PTPRN2: variants seen among roughly 807,000 people sequenced by gnomAD.
The protein encoded by PTPRN2 is protein tyrosine phosphatase receptor type N2, also known as receptor-type tyrosine-protein phosphatase N2.
In PTPRN2, 74 loss-of-function variants were observed where a neutral mutation model predicts 118.8. The ratio of observed to expected loss-of-function variants is 0.62; its 90% CI spans 0.52 to 0.76. The LOEUF (loss-of-function observed/expected upper bound fraction) is 0.76. PTPRN2 is among the 30% of genes least tolerant of loss of function. The pLI is 0.00. For synonymous variants in PTPRN2, 641 were observed against 608.0 expected (o/e 1.05, Z -0.80); for missense variants, 1,481 against 1,394.4 (o/e 1.06, Z -0.99).
chr7:158,372,203 T>A (rs1275992837), intron 2 of PTPRN2, among the ~76,000 whole-genome samples: 3 of 143,632 alleles, frequency 2.1e-5, no homozygotes, highest in African/African-American at 8.0e-5. Flanking sequence ...CCAACGCTGG[T>A]CCCCGGAGCT....
intron 11 of PTPRN2, among the ~76,000 whole-genome samples, chr7:157,959,361 C>T (rs909576540): frequency 1.7e-4 from 26 of 152,176 alleles, no homozygotes; most frequent in Non-Finnish European, 1.9e-4. Flanking sequence ...ACAAATTGCA[C>T]TTTATTGCAC....
intron 14 of PTPRN2, among the ~76,000 whole-genome samples, chr7:157,638,123 G>A (rs1389173291): frequency 6.6e-6 from 1 of 152,216 alleles, no homozygotes; most frequent in Non-Finnish European, 1.5e-5. Flanking sequence ...CAACTGACAA[G>A]GTGATGGCAC....
At chr7:157,863,015 A>G (rs1381271746) in intron 12 of PTPRN2, 1 of 152,256 alleles carries the variant, frequency 6.6e-6, no homozygotes, top group African/African-American at 2.4e-5. Context: ...GTCAGGCGGC[A>G]CTTGGTGGGC....
intron 10 of PTPRN2, among the ~76,000 whole-genome samples, chr7:158,103,550 T>C (rs565963277): frequency 1.3e-5 from 2 of 152,336 alleles, no homozygotes; most frequent in African/African-American, 4.8e-5. Context: ...CCAGCCTCAC[T>C]TCCCTAGCAT....
intron 3 of PTPRN2, among the ~76,000 whole-genome samples, chr7:158,246,729 G>A (rs1796275545): frequency 6.6e-6 from 1 of 151,954 alleles, no homozygotes; most frequent in African/African-American, 2.4e-5. Flanking sequence ...GTGTGGGAGG[G>A]CTCTGATGAC....
intron 12 of PTPRN2, among the ~76,000 whole-genome samples, chr7:157,746,445 C>G (rs1800944517): frequency 6.7e-6 from 1 of 148,566 alleles, no homozygotes; most frequent in African/African-American, 2.5e-5. Flanking sequence ...TCACGGGACT[C>G]CCTACACCCT....
intron 12 of PTPRN2, among the ~76,000 whole-genome samples, chr7:157,795,590 C>T (rs1247737685): frequency 1.3e-5 from 2 of 152,248 alleles, no homozygotes; most frequent in African/African-American, 2.4e-5. Flanking sequence ...CCCAAACTAA[C>T]GTTGCTGAGG....
intron 6 of PTPRN2, among the ~76,000 whole-genome samples, chr7:158,139,938 T>C (rs1471989508): frequency 6.6e-6 from 1 of 152,126 alleles, no homozygotes; most frequent in African/African-American, 2.4e-5. Context: ...TCATATCACG[T>C]ATGTGAACAA....
In PTPRN2 at chr7:157,847,877, C is replaced by A. The variant is rs544629844; in HGVS notation, c.1788+50796G>T. Among the ~76,000 whole-genome samples, 9 of 151,630 alleles carry A rather than the reference C, an allele frequency of 5.9e-5. No individual in the cohort carries two copies. In the East Asian group the frequency reaches 1.4e-3, roughly 23 times the overall value. Reference sequence around the variant, plus strand: ...TCTACAGAGCCCTCTCTCATTACATCATGTGTGCCCGATGTTTACAGAGCC... The same window carrying A: ...TCTACAGAGCCCTCTCTCATTACATAATGTGTGCCCGATGTTTACAGAGCC... On this transcript the variant is annotated intron_variant, in intron 12 of 22. Transcript: ENST00000389418.
chr7:157,675,206 C>T (rs1318116734), intron 13 of PTPRN2, among the ~76,000 whole-genome samples: 1 of 152,198 alleles, frequency 6.6e-6, no homozygotes, highest in Non-Finnish European at 1.5e-5. Context: ...TTCGGAGAGC[C>T]TGCCTCCCGC....
chr7:157,723,199 T>G (rs1799340038), intron 12 of PTPRN2, among the ~76,000 whole-genome samples: 2 of 152,186 alleles, frequency 1.3e-5, no homozygotes, highest in African/African-American at 2.4e-5. Flanking sequence ...GAACATAGAA[T>G]GTGGGGCCCT....
chr7:158,533,439 C>T (rs1182540096), intron 1 of PTPRN2, among the ~76,000 whole-genome samples: 3 of 152,232 alleles, frequency 2.0e-5, no homozygotes, highest in Admixed American at 1.3e-4. Context: ...GGAGATCGCA[C>T]CTTTGCCTTC....
chr7:158,520,571 C>T (rs1035254880), intron 1 of PTPRN2, among the ~76,000 whole-genome samples: 14 of 152,200 alleles, frequency 9.2e-5, no homozygotes, highest in African/African-American at 2.9e-4. Flanking sequence ...GGCTCCCTTC[C>T]GTCAGGAGCA....
At chr7:157,766,321 C>T (rs1390016485) in intron 12 of PTPRN2, among the ~76,000 whole-genome samples, 1 of 147,066 alleles carries the variant, frequency 6.8e-6, no homozygotes, top group African/African-American at 2.5e-5. Context: ...TCCATCCACC[C>T]ATCCATCCTT....
At chr7:157,691,355 C>T (rs2150834843) in intron 12 of PTPRN2, among the ~76,000 whole-genome samples, 1 of 152,206 alleles carries the variant, frequency 6.6e-6, no homozygotes, top group Admixed American at 6.5e-5. Context: ...GGGTGCGTCG[C>T]CACTCTTGGC....
chr7:157,959,632 G>A (rs1801396797), intron 11 of PTPRN2, among the ~76,000 whole-genome samples: 1 of 152,174 alleles, frequency 6.6e-6, no homozygotes, highest in Admixed American at 6.5e-5. Context: ...CAGGAGCCAT[G>A]AGATGCCACT....
At chr7:157,760,913 C>T (rs187476407) in intron 12 of PTPRN2, among the ~76,000 whole-genome samples, 2 of 152,152 alleles carry the variant, frequency 1.3e-5, no homozygotes, top group Non-Finnish European at 2.9e-5. Flanking sequence ...ATTTCCTTCT[C>T]CTGCCTAATT....
chr7:158,534,074 A>G (rs35201855), intron 1 of PTPRN2, among the ~76,000 whole-genome samples: 510 of 83,684 alleles, frequency 6.1e-3, no homozygotes, highest in Middle Eastern at 0.04. Flanking sequence ...CCCGGGCTCC[A>G]TCAGGGATGG....
rs563018400 is a variant in PTPRN2 at position 157,583,070 on chromosome 7, C to T, written c.2497-4930G>A. ...TCACAATAAACAAGATTTGGAACAA[C>T]CCACATGTCTGTCAATGGATAATGG... On this transcript the variant is annotated intron_variant, in intron 17 of 22. Coordinates refer to ENST00000389418, the MANE Select transcript of PTPRN2 (RefSeq NM_002847.5). The surrounding 1 kb of genome is among the most constrained non-coding windows in gnomAD (Gnocchi z 5.5). 9.2e-5 allele frequency among the ~76,000 whole-genome samples: 14 copies of T among 152,236 alleles called. No homozygotes were observed. The highest frequency in any genetic ancestry group is 7.2e-4 in the Admixed American group (11 of 15,306).
Sources: gnomAD v4.1 joint callset for allele counts (sites outside exome capture counted in the v4.1 genomes callset) on GRCh38, gnomAD v4.1.1 for gene constraint, Gnocchi (gnomAD v3.1) non-coding constraint, MANE v1.5 for transcripts, NCBI Gene and HGNC (gene_info 2026-07-23, HGNC 2026-07-21) for gene names.